CD5L: variants seen among roughly 807,000 people sequenced by gnomAD.
CD5L encodes CD5 molecule like.
Under a neutral mutation model 40.8 loss-of-function variants are expected in CD5L, and 39 were observed. That is an observed-to-expected ratio of 0.96 (90% confidence interval 0.74 to 1.25). CD5L has a LOEUF of 1.25. Among genes scored for constraint, CD5L ranks in the 50% most tolerant of loss-of-function variants. The pLI is 0.00. For synonymous variants in CD5L, 192 were observed against 169.6 expected, an observed-to-expected ratio of 1.13 and a Z score of -1.03; for missense variants, 433 against 435.9, an observed-to-expected ratio of 0.99 and a Z score of 0.06.
rs1194010821 is a variant in CD5L, at chr1:157,833,320, C to G, written c.911G>C (p.Gly304Ala). ...ATTATCCAGCCAGATGCGGCCAACC[C>G]CAGGGCCATAGCATTTCCGGTCTCT... ...SFRDRKCYGPGVGRIWLDNVR... is the reference protein window; with the variant it reads ...SFRDRKCYGPAVGRIWLDNVR... Residue 304 changes from glycine (G) to alanine (A), a missense_variant, in exon 5 of 6, where the codon GGG (glycine) becomes GCG (alanine). Transcript: ENST00000368174. 1.9e-6 allele frequency: 3 copies of G among 1,614,032 alleles called. No individual in the cohort carries two copies. Among genetic ancestry groups the G allele is most frequent in the Non-Finnish European group, 2.5e-6 (3 of 1,180,036 alleles).
chr1:157,839,942 A>C (rs1260711809), intron 1 of CD5L, among the ~76,000 whole-genome samples: 1 of 152,176 alleles, frequency 6.6e-6, no homozygotes, highest in Non-Finnish European at 1.5e-5. Flanking sequence ...TGGGCCATAC[A>C]GTGTCTGTTG....
At position 157,834,501 on chromosome 1, in the gene CD5L, G is replaced by A; in HGVS notation, c.624C>T (p.Cys208=). The change falls in exon 4 of 6, where the codon TGC becomes TGT. Residue 208 remains cysteine (C), a synonymous_variant. Transcript: ENST00000368174. The part of the protein sequence containing the change: ...RKPIWLSQMS[C]SGREATLQDC... ...CCTGAAGGGTTGCTTCTCGTCCTGA[G>A]CATGACATCTGGCTCAGCCAGATGG... The A allele has an allele frequency of 6.2e-7, 1 of 1,614,198 alleles. No homozygotes were observed. Among genetic ancestry groups the A allele is most frequent in the South Asian group, 1.1e-5 (1 of 91,084 alleles).
Position 157,833,349 on chromosome 1 carries a change from G to A in CD5L, c.882C>T (p.Ser294=). 2.5e-6 allele frequency: 4 copies of A among 1,614,150 alleles called. No individual in the cohort carries two copies. In the South Asian group the frequency reaches 4.4e-5, roughly 18 times the overall value. The change falls in exon 5 of 6, where the codon TCC becomes TCT. Residue 294 remains serine, a synonymous_variant. Transcript: ENST00000368174. ...QLGCGKSLSP[S]FRDRKCYGPG... ...GGCCATAGCATTTCCGGTCTCTGAA[G>A]GAGGGAGAGAGGGACTTCCCACAGC...
chr1:157,829,560 T>C (rs1179076268), downstream of CD5L, among the ~76,000 whole-genome samples: 1 of 152,082 alleles, frequency 6.6e-6, no homozygotes, highest in Non-Finnish European at 1.5e-5. Context: ...GTAATAGAAA[T>C]AGAAATAGGC....
Position 157,836,043 on chromosome 1 carries a change from C to A in CD5L, c.168G>T (p.Lys56Asn). 7 of 1,614,194 alleles carry A rather than the reference C, an allele frequency of 4.3e-6. No individual in the cohort carries two copies. Among genetic ancestry groups the A allele is most frequent in the Non-Finnish European group, 5.9e-6 (7 of 1,180,030 alleles). ...GTVCDDGWDI[K>N]DVAVLCRELG... ...GCTCCCGGCACAACACAGCCACGTC[C>A]TTAATGTCCCAGCCGTCATCACACA... The change falls in exon 3 of 6, where the codon AAG becomes AAT. Residue 56 changes from lysine (K) to asparagine (N), a missense_variant. Transcript: ENST00000368174.
At chr1:157,841,117 T>A (rs1022068349) in intron 1 of CD5L, among the ~76,000 whole-genome samples, 5 of 152,192 alleles carry the variant, frequency 3.3e-5, no homozygotes, top group Admixed American at 6.5e-5. Context: ...CAGAGAGGTA[T>A]GGTAACCTAC....
Position 157,831,481 on chromosome 1 carries a change from T to G in CD5L, c.*483A>C. 1.0e-6 allele frequency: 1 copy of G among 986,262 alleles called. No individual in the cohort carries two copies. Among genetic ancestry groups the G allele is most frequent in the Non-Finnish European group, 1.2e-6 (1 of 830,530 alleles). The allele number at this position is 986,262 out of a possible 1,614,324, so 61.1% of individuals were successfully genotyped here. A position where few individuals can be genotyped will look rare whatever the true frequency, so the allele number is the denominator to read the frequency against. ...AGTCCAATCAAAAGAATTCTAAACT[T>G]TCCCCCAAGTTGCAAGAAATTGTCT... On this transcript the variant is annotated 3_prime_UTR_variant, in exon 6 of 6. Coordinates refer to ENST00000368174, the MANE Select transcript of CD5L (RefSeq NM_005894.3).
chr1:157,831,010 A>G lies in CD5L; in HGVS notation c.*954T>C, dbSNP rs1656031640. 2.0e-6 allele frequency: 2 copies of G among 985,170 alleles called. No individual in the cohort carries two copies. The highest frequency in any genetic ancestry group is 2.4e-6 in the Non-Finnish European group (2 of 829,862). 61.0% of individuals were successfully genotyped at this position (985,170 alleles called of 1,614,324 possible). A position where few individuals can be genotyped will look rare whatever the true frequency, so the allele number is the denominator to read the frequency against. ...CTAGCCTCAGAATCTAAAGTTGTCA[A>G]TTTTTACAATCAAGTCTTGATTCTC... On this transcript the variant is annotated 3_prime_UTR_variant, in exon 6 of 6. Transcript: ENST00000368174.
intron 3 of CD5L, among the ~76,000 whole-genome samples, chr1:157,835,345 G>A (rs548524952): frequency 5.4e-4 from 82 of 152,302 alleles, no homozygotes; most frequent in African/African-American, 1.8e-3. Flanking sequence ...GCACAGATCC[G>A]TTTGTCTATG....
rs1398103085 is a variant in CD5L, at chr1:157,831,433, G to A, written c.*531C>T. 5.1e-6 allele frequency: 5 copies of A among 983,598 alleles called. No homozygotes were observed. Among genetic ancestry groups the A allele is most frequent in the Non-Finnish European group, 6.0e-6 (5 of 829,622 alleles). 60.9% of individuals were successfully genotyped at this position (983,598 alleles called of 1,614,324 possible). On this transcript the variant is annotated 3_prime_UTR_variant, in exon 6 of 6. Transcript: ENST00000368174. ...GGTGTTGCTATTGTGGTCACCTGAA[G>A]CTTGAGGAAAAAAAAAAAAAGTAGT... is the stretch of plus-strand genomic sequence containing the variant.
downstream of CD5L, among the ~76,000 whole-genome samples, chr1:157,829,967 T>G (rs891068374): frequency 3.9e-5 from 6 of 152,188 alleles, no homozygotes; most frequent in African/African-American, 1.4e-4. Context: ...TGGAAGGGCT[T>G]CCTCCGGTTC....
Position 157,841,793 on chromosome 1 carries a change from G to A in CD5L, c.-92C>T, listed in dbSNP as rs147298497. 3 of 1,094,436 alleles carry A rather than the reference G, an allele frequency of 2.7e-6. No individual in the cohort carries two copies. Among genetic ancestry groups the A allele is most frequent in the Non-Finnish European group, 4.1e-6 (3 of 724,760 alleles). 67.8% of individuals were successfully genotyped at this position (1,094,436 alleles called of 1,614,324 possible). On this transcript the variant is annotated 5_prime_UTR_variant, in exon 1 of 6. Coordinates refer to ENST00000368174, the MANE Select transcript of CD5L (RefSeq NM_005894.3). ...TTAGTTTTAGCTGCAAGTATGTTAAGAGGAGGGACAAAGACAGGTCCTGAG... is the reference window on the plus strand; with the variant it reads ...TTAGTTTTAGCTGCAAGTATGTTAAAAGGAGGGACAAAGACAGGTCCTGAG...
Position 157,831,602 on chromosome 1 carries a change from A to C in CD5L, c.*362T>G. 9.3e-7 allele frequency: 1 copy of C among 1,073,060 alleles called. No individual in the cohort carries two copies. The highest frequency in any genetic ancestry group is 1.7e-5 in the African/African-American group (1 of 60,606). The allele number at this position is 1,073,060 out of a possible 1,614,324, so 66.5% of individuals were successfully genotyped here. ...TAGGACCTAGATTAGTAATGTTTGC[A>C]GACATAGACCTTAGTAATGGTCTGC... On this transcript the variant is annotated 3_prime_UTR_variant, in exon 6 of 6. Coordinates refer to ENST00000368174, the MANE Select transcript of CD5L (RefSeq NM_005894.3).
chr1:157,828,161 GA>G (rs1655953702), downstream of CD5L, among the ~76,000 whole-genome samples: 1 of 152,136 alleles, frequency 6.6e-6, no homozygotes, highest in Non-Finnish European at 1.5e-5. Context: ...GCAACAACTT[GA>G]GTCTCATATC....
At chr1:157,829,744 T>C (rs556885654), downstream of CD5L, among the ~76,000 whole-genome samples, 2 of 152,294 alleles carry the variant, frequency 1.3e-5, no homozygotes, top group East Asian at 1.9e-4. Flanking sequence ...GTTCTTTTGG[T>C]TGGAAGTACG....
chr1:157,839,616 C>G (rs967745835), intron 1 of CD5L, among the ~76,000 whole-genome samples: 1 of 152,202 alleles, frequency 6.6e-6, no homozygotes, highest in Admixed American at 6.5e-5. Context: ...GAGACCAATT[C>G]CACCACAGCT....
chr1:157,830,901 A>T, downstream of CD5L: 2 of 971,168 alleles, frequency 2.1e-6, no homozygotes, highest in Non-Finnish European at 2.4e-6. Flanking sequence ...CATATCACAC[A>T]GAGAGGCAAT....
rs142529923 is a variant in CD5L, at chr1:157,831,874, C to A, written c.*90G>T. 1.1e-5 allele frequency: 17 copies of A among 1,487,410 alleles called. No homozygotes were observed. The highest frequency in any genetic ancestry group is 2.1e-4 in the Middle Eastern group (1 of 4,776). 92.1% of individuals were successfully genotyped at this position (1,487,410 alleles called of 1,614,324 possible). On this transcript the variant is annotated 3_prime_UTR_variant, in exon 6 of 6. Coordinates refer to ENST00000368174, the MANE Select transcript of CD5L (RefSeq NM_005894.3). ...AGGGAGTAGTGGCTCAAGCCTGAGCCCCAGAATGAGTATGAGGATAATCAG... is the reference window on the plus strand; with the variant it reads ...AGGGAGTAGTGGCTCAAGCCTGAGCACCAGAATGAGTATGAGGATAATCAG...
At position 157,834,641 on chromosome 1, in the gene CD5L, C is replaced by T; in HGVS notation, c.484G>A (p.Val162Met). ...EVKHQNQWYT[V>M]CQTGWSLRAA... ...CGGAGGCTCCAGCCTGTCTGGCACA[C>T]GGTATACCACTGGTTCTGGTGCTTC... Residue 162 changes from valine (V) to methionine (M), a missense_variant, in exon 4 of 6, where the codon GTG becomes ATG. Transcript: ENST00000368174. The T allele has an allele frequency of 6.2e-7, 1 of 1,614,184 alleles. No homozygotes were observed. The highest frequency in any genetic ancestry group is 1.7e-5 in the Admixed American group (1 of 60,026).
Sources: gnomAD v4.1 joint callset for allele counts (sites outside exome capture counted in the v4.1 genomes callset) on GRCh38, gnomAD v4.1.1 for gene constraint, MANE v1.5 for transcripts, NCBI Gene and HGNC (gene_info 2026-07-23, HGNC 2026-07-21) for gene names.